Variants in APBB1IP observed in about 807,000 individuals in gnomAD.
APBB1IP encodes the protein amyloid beta A4 precursor protein-binding family B member 1-interacting protein.
A neutral mutation model predicts 64.9 loss-of-function variants in APBB1IP; 27 were observed. The observed-to-expected ratio is 0.42, with a 90% CI of 0.31 to 0.57. APBB1IP has a LOEUF of 0.57. APBB1IP is among the 20% of genes least tolerant of loss of function. APBB1IP has a pLI of 0.20. For synonymous variants in APBB1IP, 392 were observed against 331.0 expected (o/e 1.18, Z -2.00); for missense variants, 812 against 845.5 (o/e 0.96, Z 0.49).
At chr10:26,494,237 G>A (rs1011964706) in intron 3 of APBB1IP, among the ~76,000 whole-genome samples, 1 of 152,208 alleles carries the variant, frequency 6.6e-6, no homozygotes, top group African/African-American at 2.4e-5. Flanking sequence ...GATTGACTCA[G>A]AGGTCACTGA....
Position 26,500,920 on chromosome 10 carries a change from G to A in APBB1IP, c.262G>A (p.Glu88Lys), listed in dbSNP as rs746726119. ...AEQRTIQAQK[E>K]SLQNQHHSAS... ...GCAGAGGACAATCCAGGCACAGAAA[G>A]AGTCCTTGCAGAATCAACATCATTC... The change falls in exon 5 of 15, where the codon GAG becomes AAG. Residue 88 changes from glutamate to lysine, a missense_variant. Transcript: ENST00000376236. The A allele has an allele frequency of 7.4e-6, 12 of 1,614,098 alleles. No homozygotes were observed. In the African/African-American group the frequency reaches 9.3e-5, roughly 13 times the overall value.
chr10:26,493,299 G>A (rs533089253), intron 3 of APBB1IP, among the ~76,000 whole-genome samples: 4 of 152,110 alleles, frequency 2.6e-5, no homozygotes, highest in Non-Finnish European at 5.9e-5. Context: ...AATCATCACA[G>A]GGTCCTAAGG....
chr10:26,468,848 A>G (rs139434197), intron 2 of APBB1IP, among the ~76,000 whole-genome samples: 52 of 152,206 alleles, frequency 3.4e-4, no homozygotes, highest in Non-Finnish European at 2.8e-4. Flanking sequence ...AAAGGATTTC[A>G]TCATTCCTGT....
intron 2 of APBB1IP, among the ~76,000 whole-genome samples, chr10:26,445,192 GAAAA>G (rs1835382948): frequency 1.4e-5 from 2 of 142,126 alleles, no homozygotes; most frequent in African/African-American, 2.6e-5. Flanking sequence ...AAGAAAGAAA[GAAAA>G]GGGGACATAA....
At chr10:26,509,997 T>C (rs1432548410) in intron 6 of APBB1IP, among the ~76,000 whole-genome samples, 1 of 152,108 alleles carries the variant, frequency 6.6e-6, no homozygotes, top group Non-Finnish European at 1.5e-5. Flanking sequence ...TGAGACAGAG[T>C]CTCGCTCCAC....
chr10:26,560,836 C>T lies in APBB1IP; in HGVS notation c.1361C>T (p.Pro454Leu), dbSNP rs762738139. 1.3e-5 allele frequency: 21 copies of T among 1,592,224 alleles called. No individual in the cohort carries two copies. The Admixed American group carries it at 3.9e-4, about 29-fold the overall frequency. Residue 454 changes from proline (P) to leucine (L), a missense_variant, in exon 13 of 15, where the codon CCA (proline) becomes CTA (leucine). By Grantham distance (98) the Pro-to-Leu change is moderately conservative. Transcript: ENST00000376236. ...GTCAATGCAGCTGCACCAGCTCAGC[C>T]ATCTACAGGTACTAAGTGGAGGAGA... ...GTVNAAAPAQ[P>L]STGPKTGTTQ...
At chr10:26,514,370 G>T (rs1836298641) in intron 8 of APBB1IP, among the ~76,000 whole-genome samples, 1 of 152,068 alleles carries the variant, frequency 6.6e-6, no homozygotes, top group Non-Finnish European at 1.5e-5. Flanking sequence ...GCTTATATTT[G>T]CTAGGAAAAC....
chr10:26,554,056 G>C (rs920409655), intron 11 of APBB1IP, among the ~76,000 whole-genome samples: 1 of 152,096 alleles, frequency 6.6e-6, no homozygotes, highest in African/African-American at 2.4e-5. Flanking sequence ...CTAATCCGTA[G>C]TGGACAGTCT....
chr10:26,521,112 C>T (rs1478818329), intron 8 of APBB1IP, among the ~76,000 whole-genome samples: 2 of 152,202 alleles, frequency 1.3e-5, no homozygotes, highest in Non-Finnish European at 1.5e-5. Context: ...CTGTTATGCA[C>T]TGTTCCATTT....
chr10:26,540,611 T>C (rs902248303), intron 10 of APBB1IP, among the ~76,000 whole-genome samples: 3 of 152,172 alleles, frequency 2.0e-5, no homozygotes, highest in Non-Finnish European at 2.9e-5. Context: ...AATACAAGCA[T>C]ATGTAAAGAA....
chr10:26,538,017 G>A (rs906643637), intron 10 of APBB1IP, among the ~76,000 whole-genome samples: 1 of 151,368 alleles, frequency 6.6e-6, no homozygotes, highest in Non-Finnish European at 1.5e-5. Context: ...CGGGGTTGAG[G>A]AACTAACTAG....
chr10:26,467,046 A>G (rs897090727), intron 2 of APBB1IP, among the ~76,000 whole-genome samples: 1 of 152,152 alleles, frequency 6.6e-6, no homozygotes, highest in Non-Finnish European at 1.5e-5. Flanking sequence ...GTACCTCTAA[A>G]TAATAAAAAG....
intron 8 of APBB1IP, among the ~76,000 whole-genome samples, chr10:26,530,051 C>T (rs1217265904): frequency 6.6e-6 from 1 of 152,116 alleles, no homozygotes; most frequent in Admixed American, 6.6e-5. Flanking sequence ...TGAAATCACT[C>T]TTGTATGAAT....
intron 2 of APBB1IP, among the ~76,000 whole-genome samples, chr10:26,483,505 G>T (rs1835859843): frequency 6.6e-6 from 1 of 152,104 alleles, no homozygotes; most frequent in Non-Finnish European, 1.5e-5. Context: ...TATCAGGCAG[G>T]TAGAGAGCAA....
intron 2 of APBB1IP, among the ~76,000 whole-genome samples, chr10:26,461,020 T>A (rs1835583097): frequency 2.0e-5 from 3 of 152,130 alleles, no homozygotes; most frequent in African/African-American, 7.2e-5. Flanking sequence ...GAATCCTAAC[T>A]GCAAGGGAGC....
intron 2 of APBB1IP, among the ~76,000 whole-genome samples, chr10:26,447,215 A>G (rs1025411793): frequency 4.9e-5 from 6 of 122,416 alleles, no homozygotes; most frequent in Admixed American, 2.7e-4. Flanking sequence ...CTACTAAAAA[A>G]GTACAAAAAA....
intron 10 of APBB1IP, among the ~76,000 whole-genome samples, chr10:26,538,466 C>A (rs1173149129): frequency 7.2e-5 from 11 of 151,794 alleles, no homozygotes; most frequent in Non-Finnish European, 1.5e-5. Flanking sequence ...CATGGTGAAA[C>A]CCCATCTCTA....
intron 8 of APBB1IP, among the ~76,000 whole-genome samples, chr10:26,519,490 C>A (rs1293628792): frequency 6.6e-6 from 1 of 152,016 alleles, no homozygotes; most frequent in East Asian, 1.9e-4. Context: ...TTTAAACACC[C>A]AGATCTCCTA....
intron 9 of APBB1IP, among the ~76,000 whole-genome samples, chr10:26,535,168 A>G (rs1836604826): frequency 6.6e-6 from 1 of 152,122 alleles, no homozygotes; most frequent in South Asian, 2.1e-4. Flanking sequence ...AATCCTATGC[A>G]AGTTTTGAGA....
Sources: gnomAD v4.1 joint callset for allele counts (sites outside exome capture counted in the v4.1 genomes callset) on GRCh38, gnomAD v4.1.1 for gene constraint, MANE v1.5 for transcripts, NCBI Gene and HGNC (gene_info 2026-07-23, HGNC 2026-07-21) for gene names.